Variants in CLDN10 observed in about 807,000 individuals in gnomAD.
The protein encoded by CLDN10 is claudin-10.
In CLDN10, 15 loss-of-function variants were observed where a neutral mutation model predicts 22.9. That is an observed-to-expected ratio of 0.65 (90% CI 0.44 to 1.01). CLDN10 has a LOEUF of 1.01. Ranked by LOEUF, CLDN10 falls within the 50% of genes least tolerant of loss-of-function variation. CLDN10 has a pLI of 0.00. For synonymous variants in CLDN10, 114 were observed against 111.4 expected (o/e 1.02, Z -0.15); for missense variants, 247 against 287.8 (o/e 0.86, Z 1.03).
intron 3 of CLDN10, among the ~76,000 whole-genome samples, chr13:95,574,620 A>C (rs1435510175): frequency 6.6e-6 from 1 of 152,014 alleles, no homozygotes; most frequent in Non-Finnish European, 1.5e-5. Context: ...AAATACAAAA[A>C]TTAGCTGGGC....
intron 4 of CLDN10, 35 bp downstream of exon 4, chr13:95,577,373 G>A (rs1371731634): frequency 7.9e-7 from 1 of 1,268,428 alleles, no homozygotes; most frequent in Non-Finnish European, 1.2e-6. Context: ...CTGTTAAAAA[G>A]TAGAATGCTA....
chr13:95,459,600 T>C (rs1299781314), intron 1 of CLDN10, among the ~76,000 whole-genome samples: 1 of 152,176 alleles, frequency 6.6e-6, no homozygotes, highest in Non-Finnish European at 1.5e-5. Flanking sequence ...GGGCACCAAG[T>C]CCTGAGACTG....
At position 95,578,058 on chromosome 13, in the gene CLDN10, G is replaced by A. The variant is rs373177089; in HGVS notation, c.*44G>A. ...TGCCTCTTGAGTTTGTTATAAAAGC[G>A]AACTGTTCACAAAATGATCCCATCA... On this transcript the variant is annotated 3_prime_UTR_variant, in exon 5 of 5. Coordinates refer to ENST00000299339, the MANE Select transcript of CLDN10 (RefSeq NM_006984.5). The A allele has an allele frequency of 1.2e-4, 141 of 1,154,880 alleles. No homozygotes were observed. The highest frequency in any genetic ancestry group is 5.2e-4 in the Admixed American group (27 of 52,406). 71.5% of individuals were successfully genotyped at this position (1,154,880 alleles called of 1,614,324 possible).
At chr13:95,452,935 C>T (rs1177559652) in intron 1 of CLDN10, among the ~76,000 whole-genome samples, 2 of 152,172 alleles carry the variant, frequency 1.3e-5, no homozygotes, top group Admixed American at 1.3e-4. Context: ...ACACACACTC[C>T]CCAACTCAAA....
At chr13:95,543,412 G>A (rs761855672) in intron 1 of CLDN10, among the ~76,000 whole-genome samples, 1 of 152,090 alleles carries the variant, frequency 6.6e-6, no homozygotes, top group Non-Finnish European at 1.5e-5. Flanking sequence ...AAATACAAGA[G>A]TCTTGAAAGT....
chr13:95,465,536 T>C (rs1357610709), intron 1 of CLDN10, among the ~76,000 whole-genome samples: 1 of 152,208 alleles, frequency 6.6e-6, no homozygotes, highest in Non-Finnish European at 1.5e-5. Flanking sequence ...GTACTTGCCC[T>C]AAAACTCCAA....
At chr13:95,502,210 A>G (rs759337530) in intron 1 of CLDN10, among the ~76,000 whole-genome samples, 52 of 152,218 alleles carry the variant, frequency 3.4e-4, no homozygotes, top group Admixed American at 2.0e-3. Flanking sequence ...TGACTTGGGC[A>G]TATAGTCTAC....
At chr13:95,550,820 C>CTTTTTT (rs56225257), upstream of CLDN10, among the ~76,000 whole-genome samples, 9 of 85,542 alleles carry the variant, frequency 1.1e-4, no homozygotes, top group African/African-American at 1.8e-4. Flanking sequence ...TAGGAAGATA[C>CTTTTTT]TTTTTTTTTT....
chr13:95,483,732 G>T (rs1220951495), intron 1 of CLDN10, among the ~76,000 whole-genome samples: 1 of 152,220 alleles, frequency 6.6e-6, no homozygotes, highest in Non-Finnish European at 1.5e-5. Context: ...TGCCAAGCAT[G>T]GCTGAGCTGG....
chr13:95,523,670 G>A (rs1159334425), intron 1 of CLDN10, among the ~76,000 whole-genome samples: 3 of 152,102 alleles, frequency 2.0e-5, no homozygotes, highest in Non-Finnish European at 2.9e-5. Flanking sequence ...TCAGACTCAT[G>A]GCCTTAAGTG....
intron 1 of CLDN10, among the ~76,000 whole-genome samples, chr13:95,522,118 C>T (rs1031676750): frequency 6.6e-6 from 1 of 151,868 alleles, no homozygotes; most frequent in African/African-American, 2.4e-5. Context: ...CAACTTTTAG[C>T]TTTCTTGATG....
chr13:95,570,272 C>G (rs1478770877), intron 3 of CLDN10, among the ~76,000 whole-genome samples: 1 of 152,164 alleles, frequency 6.6e-6, no homozygotes, highest in Non-Finnish European at 1.5e-5. Context: ...ACTATTATGA[C>G]TCGGTGCCTC....
chr13:95,487,898 G>A (rs976955292), intron 1 of CLDN10, among the ~76,000 whole-genome samples: 10 of 151,818 alleles, frequency 6.6e-5, no homozygotes, highest in African/African-American at 1.5e-4. Context: ...AGCTGGTCTC[G>A]AACCCCTGGG....
At chr13:95,558,151 G>C (rs1482883772) in intron 1 of CLDN10, among the ~76,000 whole-genome samples, 3 of 152,106 alleles carry the variant, frequency 2.0e-5, no homozygotes, top group African/African-American at 7.2e-5. Flanking sequence ...TTCACAAAAA[G>C]AGCGAAACCA....
intron 1 of CLDN10, among the ~76,000 whole-genome samples, chr13:95,472,960 G>A (rs1370907884): frequency 6.6e-6 from 1 of 152,022 alleles, no homozygotes; most frequent in Non-Finnish European, 1.5e-5. Flanking sequence ...GGGCAACACA[G>A]GGAGACTTGT....
chr13:95,442,626 C>T (rs1479927158), intron 1 of CLDN10, among the ~76,000 whole-genome samples: 2 of 152,176 alleles, frequency 1.3e-5, no homozygotes, highest in Non-Finnish European at 2.9e-5. Flanking sequence ...AGGCAGGGCT[C>T]CTACAAGCTC....
intron 1 of CLDN10, among the ~76,000 whole-genome samples, chr13:95,534,692 CAT>C (rs1278977270): frequency 6.6e-6 from 1 of 152,082 alleles, no homozygotes; most frequent in African/African-American, 2.4e-5. Context: ...TTGATAAGAA[CAT>C]GTGTTTTGGA....
intron 1 of CLDN10, among the ~76,000 whole-genome samples, chr13:95,498,947 T>C (rs1405238549): frequency 6.6e-6 from 1 of 152,260 alleles, no homozygotes; most frequent in African/African-American, 2.4e-5. Context: ...TGATGACTCT[T>C]GATACCTCGT....
chr13:95,563,827 G>A (rs1293097284), intron 3 of CLDN10, among the ~76,000 whole-genome samples: 1 of 152,162 alleles, frequency 6.6e-6, no homozygotes, highest in African/African-American at 2.4e-5. Context: ...GACTTCACTT[G>A]GTTTCCGTTT....
Sources: gnomAD v4.1 joint callset for allele counts (sites outside exome capture counted in the v4.1 genomes callset) on GRCh38, gnomAD v4.1.1 for gene constraint, MANE v1.5 for transcripts, NCBI Gene and HGNC (gene_info 2026-07-23, HGNC 2026-07-21) for gene names.